The following SNX13 variants were observed in gnomAD, a reference collection of about 807,000 sequenced individuals.
SNX13 encodes sorting nexin-13.
Under a neutral mutation model 133.6 loss-of-function variants are expected in SNX13, and 45 were observed. The ratio of observed to expected loss-of-function variants is 0.34; its 90% confidence interval spans 0.27 to 0.43. The LOEUF (loss-of-function observed/expected upper bound fraction) is 0.43, where lower values mean the gene tolerates loss of function less well. Among genes scored for constraint, SNX13 ranks in the 20% least tolerant of loss-of-function variants. The pLI, the probability that SNX13 is intolerant of heterozygous loss-of-function variation, is 1.00. For missense variants in SNX13, 1,032 were observed against 1,145.1 expected, an observed-to-expected ratio of 0.90 and a Z score of 1.43; for synonymous variants, 414 against 373.9, an observed-to-expected ratio of 1.11 and a Z score of -1.24.
At chr7:17,796,979 T>C in intron 24 of SNX13, 40 bp from the exon 25 acceptor site, 1 of 1,355,706 alleles carries the variant, frequency 7.4e-7, no homozygotes, top group East Asian at 2.3e-5. Context: ...AACATTTTCA[T>C]TTTCTAATGA....
intron 2 of SNX13, among the ~76,000 whole-genome samples, chr7:17,896,355 C>T (rs1264069002): frequency 6.6e-6 from 1 of 152,142 alleles, no homozygotes; most frequent in African/African-American, 2.4e-5. Context: ...TAAAGAAATT[C>T]TCACTTGTTC....
intron 17 of SNX13, among the ~76,000 whole-genome samples, chr7:17,825,327 G>A (rs760606725): frequency 2.0e-5 from 3 of 148,858 alleles, no homozygotes; most frequent in Non-Finnish European, 4.5e-5. Context: ...TCTCTTCAGT[G>A]TCTAAAATGT....
At chr7:17,851,637 A>T (rs1163134088) in intron 9 of SNX13, among the ~76,000 whole-genome samples, 1 of 143,340 alleles carries the variant, frequency 7.0e-6, no homozygotes, top group Non-Finnish European at 1.5e-5. Flanking sequence ...CTACACTAAC[A>T]TCGTTGGCCT....
intron 20 of SNX13, among the ~76,000 whole-genome samples, chr7:17,809,972 G>A (rs532286799): frequency 2.8e-4 from 42 of 152,096 alleles, no homozygotes; most frequent in Middle Eastern, 6.8e-3. Context: ...GCTAAACAGC[G>A]TTTAGAGGAA....
chr7:17,935,424 A>G (rs1801904996), intron 1 of SNX13, among the ~76,000 whole-genome samples: 1 of 152,206 alleles, frequency 6.6e-6, no homozygotes, highest in South Asian at 2.1e-4. Flanking sequence ...TAGAAGGAAG[A>G]AATTTTTAGA....
chr7:17,867,109 T>A (rs936224667), intron 9 of SNX13, among the ~76,000 whole-genome samples: 1 of 152,216 alleles, frequency 6.6e-6, no homozygotes, highest in Non-Finnish European at 1.5e-5. Flanking sequence ...GGAGACTCAC[T>A]TTTTTATAGT....
chr7:17,796,351 G>C (rs1251308494), intron 25 of SNX13: 2 of 152,926 alleles, frequency 1.3e-5, no homozygotes, highest in Non-Finnish European at 2.9e-5. Flanking sequence ...TGTAAATGGA[G>C]TTTTTGAAAT....
intron 1 of SNX13, among the ~76,000 whole-genome samples, chr7:17,910,116 G>A (rs1798806624): frequency 6.6e-6 from 1 of 152,062 alleles, no homozygotes; most frequent in Admixed American, 6.6e-5. Context: ...CTCCTTCAAA[G>A]TACCCAAGAC....
At chr7:17,798,535 A>AT (rs969094607) in intron 24 of SNX13, among the ~76,000 whole-genome samples, 155 bp downstream of exon 24, 3 of 151,882 alleles carry the variant, frequency 2.0e-5, no homozygotes, top group Admixed American at 6.6e-5. Flanking sequence ...CATAAGACAA[A>AT]TGTTTAGTAT....
chr7:17,865,154 C>A (rs1257606301), intron 9 of SNX13, among the ~76,000 whole-genome samples: 1 of 152,104 alleles, frequency 6.6e-6, no homozygotes, highest in East Asian at 1.9e-4. Flanking sequence ...TAAGAAATCA[C>A]CTGAAAGTAT....
intron 11 of SNX13, among the ~76,000 whole-genome samples, chr7:17,849,152 A>T (rs1041317666): frequency 1.3e-5 from 2 of 152,182 alleles, no homozygotes; most frequent in Admixed American, 6.5e-5. Context: ...TCAAACAGGG[A>T]TCTCAAATTA....
At chr7:17,807,060 A>T (rs1339589810) in intron 20 of SNX13, among the ~76,000 whole-genome samples, 1 of 152,070 alleles carries the variant, frequency 6.6e-6, no homozygotes, top group Non-Finnish European at 1.5e-5. Flanking sequence ...TAGCTGCAGG[A>T]GTTTTTTTCA....
At position 17,816,280 on chromosome 7, in the gene SNX13, G is replaced by T. The variant is rs567318073; in HGVS notation, c.1855C>A (p.Leu619Ile). The T allele has an allele frequency of 6.5e-7, 1 of 1,540,666 alleles. No individual in the cohort carries two copies. The highest frequency in any genetic ancestry group is 1.4e-5 in the African/African-American group (1 of 72,410). The change falls in exon 19 of 26, where the codon CTC becomes ATC. Residue 619 changes from leucine to isoleucine, a missense_variant. Physicochemically the swap from Leu to Ile is conservative, Grantham distance 5 (BLOSUM62 2). Transcript: ENST00000428135. ...CCAGGAAGTTTCAATATGCTTGAGA[G>T]ACTTTCAAACTGTAAGACAAAATAC... is the stretch of plus-strand genomic sequence containing the variant. Reference protein sequence around the residue: ...HMRITEQFESLSSILKLPGKK... With the variant: ...HMRITEQFESISSILKLPGKK...
chr7:17,871,061 A>T (rs982511276), intron 8 of SNX13, among the ~76,000 whole-genome samples: 7 of 150,724 alleles, frequency 4.6e-5, no homozygotes, highest in Non-Finnish European at 7.4e-5. Context: ...GCTGGAGTGC[A>T]GTGGCGCGAT....
intron 7 of SNX13, 26 bp downstream of exon 7, chr7:17,875,454 T>C (rs1454004264): frequency 5.7e-6 from 9 of 1,592,804 alleles, no homozygotes; most frequent in Non-Finnish European, 7.7e-6. Context: ...GCTACTATTG[T>C]CAAAAAAGTT....
At chr7:17,912,782 T>C (rs1245413278) in intron 1 of SNX13, among the ~76,000 whole-genome samples, 1 of 152,128 alleles carries the variant, frequency 6.6e-6, no homozygotes, top group Non-Finnish European at 1.5e-5. Context: ...GCAGCAGCCA[T>C]TGCAGGCATT....
intron 20 of SNX13, among the ~76,000 whole-genome samples, chr7:17,809,307 A>AG (rs1785715492): frequency 1.4e-5 from 2 of 140,056 alleles, no homozygotes; most frequent in Non-Finnish European, 3.1e-5. Context: ...AAAAAAAAAA[A>AG]GCAGGTATTG....
intron 25 of SNX13, chr7:17,794,699 G>A (rs886641664): frequency 6.5e-6 from 1 of 154,660 alleles, no homozygotes; most frequent in Non-Finnish European, 1.4e-5. Context: ...AATGTAAAAA[G>A]TGATCTGTAA....
chr7:17,887,872 GT>G lies in SNX13; in HGVS notation c.440+2490del, dbSNP rs919655128. On this transcript the variant is annotated intron_variant, in intron 5 of 25. Transcript: ENST00000428135. ...GGATAGGAAAAAAAAAAAAACCACA[GT>G]TTTTTTCCAGGTTTGTGGGCCCCTG... 1.2e-3 allele frequency among the ~76,000 whole-genome samples: 183 copies of G among 149,044 alleles called. 1 individual carries two copies. Among genetic ancestry groups the G allele is most frequent in the African/African-American group, 4.2e-3 (171 of 40,474 alleles).
Sources: allele counts gnomAD v4.1 joint callset (sites outside exome capture counted in the v4.1 genomes callset), GRCh38; gene constraint gnomAD v4.1.1; transcripts MANE v1.5; gene names NCBI Gene and HGNC (gene_info 2026-07-23, HGNC 2026-07-21).